The following SYT1 variants were observed in gnomAD, a reference collection of about 807,000 sequenced individuals.
SYT1 encodes synaptotagmin-1.
SYT1 carries 8 observed loss-of-function variants against 44.8 expected under a neutral mutation model. That is an observed-to-expected ratio of 0.18 (90% CI 0.10 to 0.32). SYT1 has a LOEUF of 0.32. SYT1 is among the 10% of genes least tolerant of loss of function. The pLI, the probability that SYT1 is intolerant of heterozygous loss-of-function variation, is 1.00. For synonymous variants in SYT1, 154 were observed against 188.8 expected (o/e 0.82, Z 1.51); for missense variants, 286 against 509.3 (o/e 0.56, Z 4.22).
At chr12:79,152,771 G>A (rs1870351597) in intron 3 of SYT1, among the ~76,000 whole-genome samples, 1 of 151,418 alleles carries the variant, frequency 6.6e-6, no homozygotes, top group Admixed American at 6.6e-5. Context: ...AGGGACAGGT[G>A]AAAGGGGTAT....
At chr12:79,444,900 ACCCCAT>A (rs1870620612) in intron 10 of SYT1, among the ~76,000 whole-genome samples, 1 of 152,108 alleles carries the variant, frequency 6.6e-6, no homozygotes, top group South Asian at 2.1e-4. Flanking sequence ...ACATTTTCTC[ACCCCAT>A]CTCCATAGTT....
intron 1 of SYT1, among the ~76,000 whole-genome samples, chr12:78,891,727 T>C (rs148122478): frequency 6.6e-6 from 1 of 152,018 alleles, no homozygotes; most frequent in African/African-American, 2.4e-5. Flanking sequence ...CTGTGGCAAT[T>C]TGAACTGTGC....
chr12:79,012,111 G>T (rs1227966105), intron 2 of SYT1, among the ~76,000 whole-genome samples: 1 of 142,238 alleles, frequency 7.0e-6, no homozygotes, highest in Non-Finnish European at 1.5e-5. Context: ...CAGCCTGGGT[G>T]ACAGAATGAG....
intron 8 of SYT1, among the ~76,000 whole-genome samples, chr12:79,307,025 T>C (rs1052255688): frequency 1.3e-5 from 2 of 152,246 alleles, no homozygotes; most frequent in African/African-American, 4.8e-5. Context: ...GTTCATCATA[T>C]GCTTGGGAGC....
At chr12:79,274,654 G>A (rs1014601947) in intron 4 of SYT1, among the ~76,000 whole-genome samples, 2 of 152,022 alleles carry the variant, frequency 1.3e-5, no homozygotes, top group African/African-American at 4.8e-5. Flanking sequence ...TTGAGAGTTC[G>A]ATGGCCCCAC....
At chr12:79,013,688 T>C (rs1487955902) in intron 2 of SYT1, among the ~76,000 whole-genome samples, 1 of 152,176 alleles carries the variant, frequency 6.6e-6, no homozygotes, top group Non-Finnish European at 1.5e-5. Flanking sequence ...AAACATCAGA[T>C]AGGTTCTTCA....
At chr12:79,351,657 A>G (rs1490733479) in intron 8 of SYT1, among the ~76,000 whole-genome samples, 1 of 152,080 alleles carries the variant, frequency 6.6e-6, no homozygotes, top group East Asian at 1.9e-4. Context: ...AATTTCCATG[A>G]TATTGTCTCC....
chr12:79,315,341 G>C (rs973220552), intron 8 of SYT1, among the ~76,000 whole-genome samples: 4 of 152,224 alleles, frequency 2.6e-5, no homozygotes, highest in Admixed American at 2.6e-4. Context: ...CTCCTGAGTA[G>C]CTGGGACTGC....
intron 3 of SYT1, among the ~76,000 whole-genome samples, chr12:79,055,257 C>T (rs1187301434): frequency 1.3e-5 from 2 of 151,940 alleles, no homozygotes; most frequent in East Asian, 3.9e-4. Context: ...GTTTCTAAAA[C>T]TTCTTATTAA....
chr12:79,008,455 T>C lies in SYT1; in HGVS notation c.-84+30524T>C, dbSNP rs1000112262. ...AGATGTTTTCAGCAGATAAATACTA[T>C]GATCCCAGATATATTCAAGAAATTT... On this transcript the variant is annotated intron_variant, in intron 2 of 10. Coordinates refer to ENST00000261205, the MANE Select transcript of SYT1 (RefSeq NM_005639.3). Among the ~76,000 whole-genome samples, 12 of 152,278 alleles carry C rather than the reference T, an allele frequency of 7.9e-5. No individual in the cohort carries two copies. The East Asian group carries it at 2.3e-3, about 29-fold the overall frequency.
At chr12:79,273,132 T>G (rs1176688059) in intron 4 of SYT1, among the ~76,000 whole-genome samples, 1 of 151,332 alleles carries the variant, frequency 6.6e-6, no homozygotes, top group African/African-American at 2.4e-5. Flanking sequence ...TTTTTTTTTT[T>G]TTTTGACAAT....
In SYT1 at chr12:79,215,453, C is replaced by T. The variant is rs142435999; in HGVS notation, c.-17-2050C>T. Among the ~76,000 whole-genome samples the T allele has an allele frequency of 4.3e-3, 648 of 152,182 alleles. 2 individuals are homozygous for T. The highest frequency in any genetic ancestry group is 0.015 in the African/African-American group (615 of 41,522). On this transcript the variant is annotated intron_variant, in intron 3 of 10. Transcript: ENST00000261205. ...TTTTACAAAAGAAGAAACTGAAAAA[C>T]GAAGAAGATCTGAGCCGATATCTGT...
intron 9 of SYT1, among the ~76,000 whole-genome samples, chr12:79,407,324 T>C (rs1396173107): frequency 6.6e-6 from 1 of 152,046 alleles, no homozygotes; most frequent in Admixed American, 6.6e-5. Context: ...AGTAGTCTCT[T>C]CCAGTTTTGA....
chr12:79,308,392 C>T (rs925062853), intron 8 of SYT1, among the ~76,000 whole-genome samples: 8 of 151,900 alleles, frequency 5.3e-5, no homozygotes, highest in Non-Finnish European at 8.8e-5. Flanking sequence ...GGTGTTGTGG[C>T]GCATGCCTGT....
In SYT1 at chr12:78,987,397, C is replaced by T. The variant is rs140057290; in HGVS notation, c.-84+9466C>T. On this transcript the variant is annotated intron_variant, in intron 2 of 10. Transcript: ENST00000261205. ...AGGTCACATGTTGGCTAAAAGACCT[C>T]GCAGGCTATGCCCAGAACATTAGTT... 5.3e-5 allele frequency among the ~76,000 whole-genome samples: 8 copies of T among 152,066 alleles called. No individual in the cohort carries two copies. In the East Asian group the frequency reaches 5.8e-4, roughly 11 times the overall value.
At chr12:79,216,903 C>A (rs565650772) in intron 3 of SYT1, among the ~76,000 whole-genome samples, 1 of 151,962 alleles carries the variant, frequency 6.6e-6, no homozygotes, top group African/African-American at 2.4e-5. Context: ...GTATTGTTTA[C>A]AATAAATGTG....
chr12:79,135,101 T>C (rs1592780109), intron 3 of SYT1, among the ~76,000 whole-genome samples: 1 of 152,152 alleles, frequency 6.6e-6, no homozygotes, highest in Non-Finnish European at 1.5e-5. Context: ...TAAGTGCATA[T>C]ACTTTTTTAT....
intron 1 of SYT1, among the ~76,000 whole-genome samples, chr12:78,878,685 A>C (rs1186580384): frequency 6.6e-6 from 1 of 151,810 alleles, no homozygotes; most frequent in Non-Finnish European, 1.5e-5. Flanking sequence ...ATTCATTCAC[A>C]TGTGAGCTGT....
intron 1 of SYT1, among the ~76,000 whole-genome samples, chr12:78,953,131 G>T (rs1014635298): frequency 1.1e-4 from 17 of 152,098 alleles, no homozygotes; most frequent in Non-Finnish European, 2.2e-4. Flanking sequence ...AAAAAGAGCG[G>T]TGGTAGGAAT....
Sources: allele counts gnomAD v4.1 joint callset (sites outside exome capture counted in the v4.1 genomes callset), GRCh38; gene constraint gnomAD v4.1.1; transcripts MANE v1.5; gene names NCBI Gene and HGNC (gene_info 2026-07-23, HGNC 2026-07-21).